CDKAL1: variants seen among roughly 807,000 people sequenced by gnomAD.
The protein encoded by CDKAL1 is CDKAL1 threonylcarbamoyladenosine tRNA methylthiotransferase.
CDKAL1 carries 32 observed loss-of-function variants against 68.2 expected under a neutral mutation model. The observed-to-expected ratio is 0.47, with a 90% CI of 0.35 to 0.63. CDKAL1 has a LOEUF of 0.63. Among genes scored for constraint, CDKAL1 ranks in the 30% least tolerant of loss-of-function variants. The pLI, the probability that CDKAL1 is intolerant of heterozygous loss-of-function variation, is 0.00. For missense variants in CDKAL1, 606 were observed against 696.7 expected (o/e 0.87, Z 1.47); for synonymous variants, 234 against 244.3 (o/e 0.96, Z 0.39).
At chr6:21,160,621 TA>T (rs1776873740) in intron 13 of CDKAL1, among the ~76,000 whole-genome samples, 1 of 142,384 alleles carries the variant, frequency 7.0e-6, no homozygotes, top group African/African-American at 2.5e-5. Flanking sequence ...TTATTCACTG[TA>T]ATTTTTGGAC....
Position 20,555,918 on chromosome 6 carries a change from G to A in CDKAL1, c.286+7213G>A, listed in dbSNP as rs368318296. On this transcript the variant is annotated intron_variant, in intron 4 of 15. Transcript: ENST00000274695. Reference sequence around the variant, plus strand: ...ATTACAGGCATGAGCCACTGCGCCCGGCCCCAGCCAGAGTTTTAAAATATG... The same window carrying A: ...ATTACAGGCATGAGCCACTGCGCCCAGCCCCAGCCAGAGTTTTAAAATATG... Among the ~76,000 whole-genome samples, 171 of 151,546 alleles carry A rather than the reference G, an allele frequency of 1.1e-3. 2 individuals carry two copies. The East Asian group carries it at 0.017, about 15-fold the overall frequency.
At chr6:20,847,963 C>A (rs551188686) in intron 9 of CDKAL1, among the ~76,000 whole-genome samples, 2 of 152,190 alleles carry the variant, frequency 1.3e-5, no homozygotes, top group Non-Finnish European at 2.9e-5. Context: ...CCAAATACCC[C>A]CTAGATGTTT....
At chr6:21,059,431 G>A (rs1771018357) in intron 11 of CDKAL1, among the ~76,000 whole-genome samples, 1 of 152,228 alleles carries the variant, frequency 6.6e-6, no homozygotes, top group African/African-American at 2.4e-5. Context: ...GATCCTGGTG[G>A]CATGGGCTCA....
chr6:20,965,405 G>A (rs1466393708), intron 10 of CDKAL1, among the ~76,000 whole-genome samples: 1 of 104,662 alleles, frequency 9.6e-6, no homozygotes, highest in Non-Finnish European at 1.7e-5. Flanking sequence ...TGAGCATTGA[G>A]ACACTGTATC....
At chr6:20,737,371 G>C (rs114861491) in intron 5 of CDKAL1, among the ~76,000 whole-genome samples, 2 of 152,328 alleles carry the variant, frequency 1.3e-5, no homozygotes, top group African/African-American at 4.8e-5. Context: ...TGAGTGCAAA[G>C]CACTTGTCTT....
At chr6:21,127,140 A>G (rs540075981) in intron 13 of CDKAL1, among the ~76,000 whole-genome samples, 1 of 152,350 alleles carries the variant, frequency 6.6e-6, no homozygotes, top group South Asian at 2.1e-4. Context: ...ACTTAAGCCA[A>G]TCAAGATTTT....
intron 2 of CDKAL1, among the ~76,000 whole-genome samples, chr6:20,542,575 C>T (rs1044727579): frequency 7.7e-6 from 1 of 129,184 alleles, no homozygotes; most frequent in African/African-American, 4.8e-5. Flanking sequence ...CGAGTGTATT[C>T]CCCCCCCATT....
chr6:21,063,768 C>T (rs1004979593), intron 11 of CDKAL1, among the ~76,000 whole-genome samples: 2 of 151,754 alleles, frequency 1.3e-5, no homozygotes, highest in African/African-American at 2.4e-5. Context: ...AGTAAAATTT[C>T]CAGAAAATAA....
intron 9 of CDKAL1, among the ~76,000 whole-genome samples, chr6:20,932,462 G>T (rs1216987433): frequency 6.6e-6 from 1 of 151,954 alleles, no homozygotes; most frequent in African/African-American, 2.4e-5. Context: ...TTTTCCTATC[G>T]ATTTTATTTA....
chr6:20,845,440 A>G (rs1778341259), intron 8 of CDKAL1, among the ~76,000 whole-genome samples: 1 of 152,020 alleles, frequency 6.6e-6, no homozygotes, highest in Admixed American at 6.6e-5. Flanking sequence ...AAATATGCCT[A>G]TTTTTTAATT....
chr6:20,902,556 AG>A (rs1391352850), intron 9 of CDKAL1, among the ~76,000 whole-genome samples: 1 of 152,180 alleles, frequency 6.6e-6, no homozygotes, highest in African/African-American at 2.4e-5. Flanking sequence ...GAGATATCAA[AG>A]GGGAATTCCC....
chr6:20,691,091 G>A (rs1457295076), intron 5 of CDKAL1, among the ~76,000 whole-genome samples: 1 of 152,186 alleles, frequency 6.6e-6, no homozygotes, highest in African/African-American at 2.4e-5. Context: ...GGGACTATGA[G>A]TAGGTAAACA....
intron 4 of CDKAL1, among the ~76,000 whole-genome samples, chr6:20,568,748 A>AC (rs1561931876): frequency 2.5e-5 from 2 of 81,512 alleles, no homozygotes; most frequent in East Asian, 1.0e-3. Context: ...AAAAAAAAAA[A>AC]AACAAAAAAA....
At chr6:20,791,039 G>A (rs1193718511) in intron 8 of CDKAL1, among the ~76,000 whole-genome samples, 5 of 152,186 alleles carry the variant, frequency 3.3e-5, no homozygotes, top group Non-Finnish European at 5.9e-5. Flanking sequence ...AATCCGGTCC[G>A]TGGATTTGAC....
intron 15 of CDKAL1, among the ~76,000 whole-genome samples, chr6:21,208,462 A>G (rs1469884023): frequency 6.6e-6 from 1 of 152,214 alleles, no homozygotes; most frequent in African/African-American, 2.4e-5. Flanking sequence ...AGGTTAAGAA[A>G]TGGCTTAATA....
At chr6:20,949,316 A>G (rs1764409392) in intron 9 of CDKAL1, among the ~76,000 whole-genome samples, 1 of 152,244 alleles carries the variant, frequency 6.6e-6, no homozygotes, top group Non-Finnish European at 1.5e-5. Context: ...AAACTTTGCA[A>G]CATTCAAGCT....
chr6:20,675,699 C>T (rs1016666776), intron 5 of CDKAL1, among the ~76,000 whole-genome samples: 2 of 152,030 alleles, frequency 1.3e-5, no homozygotes, highest in Non-Finnish European at 2.9e-5. Flanking sequence ...ATACATAATA[C>T]TTGATGATGA....
chr6:20,637,988 A>G (rs183845186), intron 4 of CDKAL1, among the ~76,000 whole-genome samples: 2 of 152,346 alleles, frequency 1.3e-5, no homozygotes, highest in East Asian at 3.9e-4. Context: ...TGAAGGTACT[A>G]AAATATTTGT....
chr6:20,888,998 G>A lies in CDKAL1; in HGVS notation c.742+42820G>A, dbSNP rs555777093. ...TTACAGTCCCACCAACAGTGTCAAAGTGTTCCTATTTCTCCACATCCTCTC... is the reference window on the plus strand; with the variant it reads ...TTACAGTCCCACCAACAGTGTCAAAATGTTCCTATTTCTCCACATCCTCTC... On this transcript the variant is annotated intron_variant, in intron 9 of 15. Transcript: ENST00000274695. Among the ~76,000 whole-genome samples, 1,429 of 152,282 alleles carry A rather than the reference G, an allele frequency of 9.4e-3. 14 individuals are homozygous for A. Among genetic ancestry groups the A allele is most frequent in the Non-Finnish European group, 0.011 (754 of 68,028 alleles).
Sources: gnomAD v4.1 joint callset for allele counts (sites outside exome capture counted in the v4.1 genomes callset) on GRCh38, gnomAD v4.1.1 for gene constraint, MANE v1.5 for transcripts, NCBI Gene and HGNC (gene_info 2026-07-23, HGNC 2026-07-21) for gene names.